NSMCE2: variants seen among roughly 807,000 people sequenced by gnomAD.
NSMCE2 encodes the protein NSE2 SUMO ligase component of SMC5/6 complex.
A neutral mutation model predicts 23.8 loss-of-function variants in NSMCE2; 24 were observed. That is an observed-to-expected ratio of 1.01 (90% CI 0.73 to 1.42). The LOEUF (loss-of-function observed/expected upper bound fraction) is 1.42, where lower values mean the gene tolerates loss of function less well. NSMCE2 is among the 40% of genes most tolerant of loss of function. NSMCE2 has a pLI of 0.00. For synonymous variants in NSMCE2, 92 were observed against 94.1 expected (o/e 0.98, Z 0.13); for missense variants, 284 against 296.5 (o/e 0.96, Z 0.31).
At chr8:125,302,827 G>A (rs1166793664) in intron 5 of NSMCE2, among the ~76,000 whole-genome samples, 1 of 152,096 alleles carries the variant, frequency 6.6e-6, no homozygotes, top group Non-Finnish European at 1.5e-5. Flanking sequence ...ACTAATCTTA[G>A]CCTCCACTTG....
chr8:125,267,732 G>A (rs540703078), intron 5 of NSMCE2, among the ~76,000 whole-genome samples: 25 of 152,192 alleles, frequency 1.6e-4, no homozygotes, highest in Middle Eastern at 3.4e-3. Flanking sequence ...AGCCAAGATC[G>A]TGCCACTGCA....
chr8:125,337,633 G>C (rs927023631), intron 5 of NSMCE2, among the ~76,000 whole-genome samples: 3 of 152,182 alleles, frequency 2.0e-5, no homozygotes, highest in Non-Finnish European at 4.4e-5. Flanking sequence ...GGTGGCTCAA[G>C]CCTGTAATCC....
chr8:125,336,456 C>G (rs943894556), intron 5 of NSMCE2, among the ~76,000 whole-genome samples: 2 of 152,162 alleles, frequency 1.3e-5, no homozygotes, highest in African/African-American at 2.4e-5. Flanking sequence ...TTCTGCCACA[C>G]TGCTTCAGCC....
At chr8:125,348,440 A>C (rs1312557758) in intron 5 of NSMCE2, 1 of 152,188 alleles carries the variant, frequency 6.6e-6, no homozygotes, top group African/African-American at 2.4e-5. Context: ...GAATTCTGCG[A>C]AATGTCTTCA....
intron 5 of NSMCE2, among the ~76,000 whole-genome samples, chr8:125,326,149 C>G (rs986182741): frequency 1.3e-5 from 2 of 150,096 alleles, no homozygotes; most frequent in African/African-American, 4.9e-5. Flanking sequence ...CCCAGCTACT[C>G]GGGAGGCTGA....
At chr8:125,213,167 C>CT (rs1438304545) in intron 5 of NSMCE2, among the ~76,000 whole-genome samples, 7 of 152,042 alleles carry the variant, frequency 4.6e-5, no homozygotes, top group Admixed American at 4.6e-4. Flanking sequence ...CATTTGTACC[C>CT]TTTTTTCTTT....
At chr8:125,125,967 C>T (rs1316190251) in intron 3 of NSMCE2, among the ~76,000 whole-genome samples, 1 of 152,146 alleles carries the variant, frequency 6.6e-6, no homozygotes, top group Non-Finnish European at 1.5e-5. Flanking sequence ...CAGTAAACTT[C>T]CCTGACCTTT....
At chr8:125,352,412 G>A (rs1280322771) in intron 5 of NSMCE2, among the ~76,000 whole-genome samples, 2 of 150,800 alleles carry the variant, frequency 1.3e-5, no homozygotes, top group African/African-American at 4.9e-5. Flanking sequence ...GGAGGCGGAG[G>A]TTGCAGTGAG....
intron 5 of NSMCE2, among the ~76,000 whole-genome samples, chr8:125,347,750 A>G (rs564719031): frequency 5.3e-5 from 8 of 152,234 alleles, no homozygotes; most frequent in Non-Finnish European, 1.0e-4. Context: ...GAGATTGGCT[A>G]TGGAGATTGT....
At chr8:125,210,130 T>C (rs1824267009) in intron 5 of NSMCE2, among the ~76,000 whole-genome samples, 1 of 152,212 alleles carries the variant, frequency 6.6e-6, no homozygotes, top group Non-Finnish European at 1.5e-5. Flanking sequence ...TCTAAACCTC[T>C]CTATACCTCA....
chr8:125,116,541 A>G (rs544912722), intron 3 of NSMCE2, among the ~76,000 whole-genome samples: 1 of 152,168 alleles, frequency 6.6e-6, no homozygotes, highest in Non-Finnish European at 1.5e-5. Flanking sequence ...AGTTGCTTTT[A>G]TAATGTTAGA....
chr8:125,365,155 G>A (rs1365719058), intron 7 of NSMCE2, among the ~76,000 whole-genome samples: 1 of 151,978 alleles, frequency 6.6e-6, no homozygotes, highest in Non-Finnish European at 1.5e-5. Flanking sequence ...AGGGCTACTG[G>A]GCATCCATTC....
chr8:125,330,518 TCTC>T (rs1829837012), intron 5 of NSMCE2, among the ~76,000 whole-genome samples: 1 of 151,940 alleles, frequency 6.6e-6, no homozygotes, highest in Non-Finnish European at 1.5e-5. Flanking sequence ...AGTGTGGAAA[TCTC>T]CTGCCCTCTT....
intron 3 of NSMCE2, among the ~76,000 whole-genome samples, chr8:125,108,429 G>A (rs1818574878): frequency 6.6e-6 from 1 of 152,244 alleles, no homozygotes; most frequent in South Asian, 2.1e-4. Context: ...AAGGCAGCCA[G>A]TATCAGCACT....
At chr8:125,215,059 A>G (rs1167812962) in intron 5 of NSMCE2, among the ~76,000 whole-genome samples, 1 of 146,496 alleles carries the variant, frequency 6.8e-6, no homozygotes, top group East Asian at 2.0e-4. Flanking sequence ...TTATTATTAT[A>G]CTTTAAGTTT....
rs893890072 is a variant in NSMCE2 at position 125,102,569 on chromosome 8, A to G, written c.157+82A>G. 3.6e-5 allele frequency: 39 copies of G among 1,095,964 alleles called. No individual in the cohort carries two copies. The Admixed American group carries it at 7.1e-4, about 20-fold the overall frequency. 67.9% of individuals were successfully genotyped at this position (1,095,964 alleles called of 1,614,324 possible). On this transcript the variant is annotated intron_variant, in intron 3 of 7. Transcript: ENST00000287437. ...ATTTATCTGGGGGTGCCTTTTGAGT[A>G]TCCTTGGGGGAATGATTTAACCCCT...
intron 4 of NSMCE2, among the ~76,000 whole-genome samples, chr8:125,164,328 G>A (rs550899251): frequency 6.6e-6 from 1 of 152,210 alleles, no homozygotes; most frequent in South Asian, 2.1e-4. Flanking sequence ...TCAGTGTTTT[G>A]ACATGTAATT....
intron 1 of NSMCE2, among the ~76,000 whole-genome samples, chr8:125,096,110 C>G (rs1817917339): frequency 6.6e-6 from 1 of 152,180 alleles, no homozygotes; most frequent in Non-Finnish European, 1.5e-5. Context: ...CAGTAATTCT[C>G]TATCATCAGC....
intron 5 of NSMCE2, among the ~76,000 whole-genome samples, chr8:125,325,820 C>T (rs533143601): frequency 2.0e-5 from 3 of 152,108 alleles, no homozygotes; most frequent in East Asian, 1.9e-4. Flanking sequence ...GGCATGGTGG[C>T]GGGCACCTGT....
Sources: allele counts gnomAD v4.1 joint callset (sites outside exome capture counted in the v4.1 genomes callset), GRCh38; gene constraint gnomAD v4.1.1; transcripts MANE v1.5; gene names NCBI Gene and HGNC (gene_info 2026-07-23, HGNC 2026-07-21).